The following NXPE4 variants were observed in gnomAD, a reference collection of about 807,000 sequenced individuals.
NXPE4 encodes NXPE family member 4.
NXPE4 carries 42 observed loss-of-function variants against 33.3 expected under a neutral mutation model. That is an observed-to-expected ratio of 1.26 (90% CI 0.98 to 1.63). The LOEUF (loss-of-function observed/expected upper bound fraction) is 1.63. NXPE4 is among the 40% of genes most tolerant of loss of function. The pLI, the probability that NXPE4 is intolerant of heterozygous loss-of-function variation, is 0.00. For synonymous variants in NXPE4, 253 were observed against 234.9 expected (o/e 1.08, Z -0.71); for missense variants, 709 against 647.6 (o/e 1.09, Z -1.03).
At chr11:114,637,222 CTTCT>C in the NXPE4 span, among the ~76,000 whole-genome samples, 4 of 151,806 alleles carry the variant, frequency 2.6e-5, no homozygotes, top group African/African-American at 7.3e-5. Context: ...AAGTAATGGC[CTTCT>C]TTGTCTCTTT....
At chr11:114,611,642 G>A in the NXPE4 span, among the ~76,000 whole-genome samples, 6 of 146,350 alleles carry the variant, frequency 4.1e-5, no homozygotes, top group African/African-American at 1.0e-4. Flanking sequence ...CTCGTGTGTA[G>A]CCACTGTTAC....
At chr11:114,660,726 T>C in the NXPE4 span, among the ~76,000 whole-genome samples, 1 of 152,208 alleles carries the variant, frequency 6.6e-6, no homozygotes, top group Non-Finnish European at 1.5e-5. Context: ...ATCTTGCTGT[T>C]CTTATTCAGC....
At chr11:114,600,926 T>C in the NXPE4 span, among the ~76,000 whole-genome samples, 1 of 152,028 alleles carries the variant, frequency 6.6e-6, no homozygotes, top group Non-Finnish European at 1.5e-5. Flanking sequence ...AAATATAATA[T>C]AGTTCTCCAT....
At chr11:114,614,902 A>G in the NXPE4 span, among the ~76,000 whole-genome samples, 1 of 151,696 alleles carries the variant, frequency 6.6e-6, no homozygotes, top group South Asian at 2.1e-4. Context: ...CTCTAGGGTA[A>G]TCACTGTTAC....
intron 5 of NXPE4, among the ~76,000 whole-genome samples, chr11:114,573,200 A>C (rs562359363): frequency 1.1e-3 from 171 of 152,162 alleles, no homozygotes; most frequent in Non-Finnish European, 1.8e-3. Context: ...TAACTACTAA[A>C]AGGAGCTCTA....
chr11:114,640,479 G>A, the NXPE4 span, among the ~76,000 whole-genome samples: 13,986 of 151,560 alleles, frequency 0.092, 819 homozygotes, highest in Middle Eastern at 0.2. Flanking sequence ...ACCAAGTAGT[G>A]GGATTGCTGC....
rs1474476951 is a variant in NXPE4 at position 114,571,317 on chromosome 11, G to T, written c.1256C>A (p.Ala419Asp). The T allele has an allele frequency of 1.2e-6, 2 of 1,613,886 alleles. No individual in the cohort carries two copies. Among genetic ancestry groups the T allele is most frequent in the Non-Finnish European group, 1.7e-6 (2 of 1,179,936 alleles). ...SVKEMEYLTR[A>D]IDRTGGEKNT... ...TTTTTCTCCTCCAGTTCTGTCAATG[G>T]CCCGGGTGAGGTACTCCATCTCTTT... is the stretch of plus-strand genomic sequence containing the variant. The change falls in exon 6 of 6, where the codon GCC becomes GAC. Residue 419 changes from alanine (A) to aspartate (D), a missense_variant. By Grantham distance (126) the Ala-to-Asp change is moderately radical. Coordinates refer to ENST00000375478, the MANE Select transcript of NXPE4 (RefSeq NM_001077639.2).
chr11:114,610,848 AG>A, the NXPE4 span, among the ~76,000 whole-genome samples: 2 of 150,584 alleles, frequency 1.3e-5, no homozygotes, highest in Non-Finnish European at 3.0e-5. Context: ...TATTGCCTCT[AG>A]GGTAACCACT....
At chr11:114,603,012 T>G in the NXPE4 span, among the ~76,000 whole-genome samples, 2 of 151,202 alleles carry the variant, frequency 1.3e-5, no homozygotes, top group Non-Finnish European at 3.0e-5. Context: ...TCATATATAA[T>G]AATTCTCTCA....
chr11:114,621,311 G>T, the NXPE4 span, among the ~76,000 whole-genome samples: 1 of 152,148 alleles, frequency 6.6e-6, no homozygotes, highest in South Asian at 2.1e-4. Context: ...TGCTTTGTGG[G>T]TATCCACTGT....
At chr11:114,627,164 G>C in the NXPE4 span, among the ~76,000 whole-genome samples, 5 of 152,018 alleles carry the variant, frequency 3.3e-5, no homozygotes, top group Non-Finnish European at 7.4e-5. Flanking sequence ...AGGAAATACA[G>C]AGAACGCCAC....
intron 5 of NXPE4, among the ~76,000 whole-genome samples, chr11:114,579,376 C>T (rs1949085250): frequency 6.6e-6 from 1 of 152,172 alleles, no homozygotes; most frequent in South Asian, 2.1e-4. Flanking sequence ...AGGGGACAAT[C>T]AGTCAAACTA....
At chr11:114,647,704 T>C in the NXPE4 span, among the ~76,000 whole-genome samples, 1 of 144,820 alleles carries the variant, frequency 6.9e-6, no homozygotes, top group Non-Finnish European at 1.5e-5. Flanking sequence ...TATTTTATTT[T>C]ATTTTTTTTT....
chr11:114,628,948 T>G, the NXPE4 span, among the ~76,000 whole-genome samples: 1 of 152,058 alleles, frequency 6.6e-6, no homozygotes, highest in Admixed American at 6.6e-5. Context: ...CCTCGACACA[T>G]ACACCCTCCC....
chr11:114,607,369 G>A, the NXPE4 span, among the ~76,000 whole-genome samples: 3,632 of 151,108 alleles, frequency 0.024, 137 homozygotes, highest in African/African-American at 0.081. Flanking sequence ...ACTGTTATCC[G>A]GTGGATAATA....
chr11:114,587,104 C>T (rs1473038413), intron 2 of NXPE4, among the ~76,000 whole-genome samples: 1 of 152,096 alleles, frequency 6.6e-6, no homozygotes, highest in Non-Finnish European at 1.5e-5. Context: ...TCTTAACTTC[C>T]TAATTCTCGC....
rs1486791731 is a variant in NXPE4 at position 114,579,543 on chromosome 11, C to G, written c.1099+589G>C. Among the ~76,000 whole-genome samples, 4 of 152,230 alleles carry G rather than the reference C, an allele frequency of 2.6e-5. No individual in the cohort carries two copies. The East Asian group carries it at 7.7e-4, about 29-fold the overall frequency. ...TCTACCTGATGCAAAGTCTACCTCA[C>G]TTCTGACATCTGTTCTCTTAGGTAA... On this transcript the variant is annotated intron_variant, in intron 5 of 5. Transcript: ENST00000375478.
At chr11:114,660,901 G>A in the NXPE4 span, among the ~76,000 whole-genome samples, 5 of 152,106 alleles carry the variant, frequency 3.3e-5, no homozygotes, top group African/African-American at 1.2e-4. Flanking sequence ...AGATTATAAG[G>A]TTCAACGTTA....
the NXPE4 span, among the ~76,000 whole-genome samples, chr11:114,674,271 T>G: frequency 2.0e-5 from 3 of 151,794 alleles, no homozygotes; most frequent in African/African-American, 7.2e-5. Context: ...CAAATAACCT[T>G]AATTTTCTCT....
Sources: allele counts gnomAD v4.1 joint callset (sites outside exome capture counted in the v4.1 genomes callset), GRCh38; gene constraint gnomAD v4.1.1; transcripts MANE v1.5; gene names NCBI Gene and HGNC (gene_info 2026-07-23, HGNC 2026-07-21).